The following UNKL variants were observed in gnomAD, a reference collection of about 807,000 sequenced individuals.
The protein encoded by UNKL is unk like zinc finger.
UNKL carries 60 observed loss-of-function variants against 78.0 expected under a neutral mutation model. The ratio of observed to expected loss-of-function variants is 0.77; its 90% CI spans 0.63 to 0.95. The LOEUF (loss-of-function observed/expected upper bound fraction) is 0.95, where lower values mean the gene tolerates loss of function less well. Ranked by LOEUF, UNKL falls within the 40% of genes least tolerant of loss-of-function variation. The pLI is 0.00. For missense variants in UNKL, 1,159 were observed against 1,045.7 expected (o/e 1.11, Z -1.49); for synonymous variants, 608 against 474.8 (o/e 1.28, Z -3.65).
At chr16:1,379,424 G>A in intron 10 of UNKL, 1 of 956,482 alleles carries the variant, frequency 1.0e-6, no homozygotes, top group South Asian at 4.8e-5. Context: ...CGAGCGCCCG[G>A]CAGAGGCAGG....
intron 2 of UNKL, chr16:1,408,435 T>C (rs890458579): frequency 1.3e-5 from 2 of 153,216 alleles, no homozygotes; most frequent in African/African-American, 4.9e-5. Flanking sequence ...CGGCACGGCG[T>C]GGGGTGCAAC....
At chr16:1,398,113 G>C (rs1490541576) in intron 5 of UNKL, among the ~76,000 whole-genome samples, 1 of 152,224 alleles carries the variant, frequency 6.6e-6, no homozygotes, top group African/African-American at 2.4e-5. Context: ...CGCCCAGACA[G>C]CACGGGGCTG....
At chr16:1,370,461 G>T in intron 11 of UNKL, 104 bp from the exon 12 acceptor site, 11 of 1,475,624 alleles carry the variant, frequency 7.5e-6, no homozygotes, top group East Asian at 2.6e-5. Flanking sequence ...GGTGGTGGTG[G>T]TGGGGATATG....
At chr16:1,367,040 C>T in intron 14 of UNKL, 52 bp downstream of exon 14, 1 of 1,470,982 alleles carries the variant, frequency 6.8e-7, no homozygotes, top group Non-Finnish European at 9.0e-7. Context: ...CAGACAGGGA[C>T]AGCAGCCCTG....
intron 5 of UNKL, chr16:1,398,679 G>GCCGGCCC: frequency 2.2e-6 from 3 of 1,356,266 alleles, no homozygotes; most frequent in Non-Finnish European, 2.9e-6. Context: ...TGTGGGGTCT[G>GCCGGCCC]CACCCCCCCA....
chr16:1,410,019 A>T (rs928568149), intron 2 of UNKL, among the ~76,000 whole-genome samples: 13 of 152,078 alleles, frequency 8.5e-5, no homozygotes, highest in African/African-American at 3.1e-4. Flanking sequence ...GGCAGAGGAT[A>T]CAGGAGCCCA....
intron 3 of UNKL, among the ~76,000 whole-genome samples, chr16:1,402,758 G>A (rs1216647036): frequency 2.0e-5 from 3 of 151,950 alleles, no homozygotes; most frequent in African/African-American, 7.3e-5. Context: ...GCCAACGTGG[G>A]TGGATCACAA....
intron 14 of UNKL, 83 bp downstream of exon 14, chr16:1,367,009 C>A (rs778280703): frequency 1.2e-5 from 18 of 1,442,852 alleles, no homozygotes; most frequent in Non-Finnish European, 1.6e-5. Context: ...AAGGGGACAC[C>A]GCACCAGCCA....
chr16:1,398,681 A>AGCCCCCCCCCCC, intron 5 of UNKL: 2 of 694,352 alleles, frequency 2.9e-6, no homozygotes, highest in Non-Finnish European at 1.9e-6. Flanking sequence ...TGGGGTCTGC[A>AGCCCCCCCCCCC]CCCCCCCACC....
chr16:1,403,019 C>T lies in UNKL; in HGVS notation c.464+149G>A. On this transcript the variant is annotated intron_variant, in intron 3 of 14. Coordinates refer to ENST00000389221, the MANE Select transcript of UNKL (RefSeq NM_001372107.1). The surrounding 1 kb of genome is among the most constrained non-coding windows in gnomAD (Gnocchi z 4.8). ...AAAAAGCAAAAAAAGGACTAACATC[C>T]AGACTCAGAAAGAAATTCTGGAGGA... The T allele has an allele frequency of 9.3e-7, 1 of 1,072,092 alleles. No individual in the cohort carries two copies. The highest frequency in any genetic ancestry group is 1.3e-6 in the Non-Finnish European group (1 of 770,330). The allele number at this position is 1,072,092 out of a possible 1,614,324, so 66.4% of individuals were successfully genotyped here. A position where few individuals can be genotyped will look rare whatever the true frequency, so the allele number is the denominator to read the frequency against.
intron 5 of UNKL, chr16:1,398,679 G>GCGGCCCCCCCCCCC: frequency 3.7e-6 from 5 of 1,356,094 alleles, no homozygotes; most frequent in Non-Finnish European, 4.8e-6. Context: ...TGTGGGGTCT[G>GCGGCCCCCCCCCCC]CACCCCCCCA....
chr16:1,378,113 C>T (rs1398843484), intron 10 of UNKL, among the ~76,000 whole-genome samples: 1 of 152,186 alleles, frequency 6.6e-6, no homozygotes, highest in African/African-American at 2.4e-5. Flanking sequence ...CCACACCAGT[C>T]CCCAGAAAGC....
intron 11 of UNKL, among the ~76,000 whole-genome samples, chr16:1,370,748 C>G (rs1278384606): frequency 6.6e-6 from 1 of 152,226 alleles, no homozygotes; most frequent in African/African-American, 2.4e-5. Flanking sequence ...AAAAGATACA[C>G]TTTTAGGCTG....
At chr16:1,396,812 T>C (rs4017785) in intron 6 of UNKL, among the ~76,000 whole-genome samples, 143,282 of 152,114 alleles carry the variant, frequency 0.94, 67,542 homozygotes, top group East Asian at 1. Context: ...TCTTGATCTC[T>C]TGATCTCGTT....
Position 1,403,582 on chromosome 16 carries a change from AAC to A in UNKL, c.288-240_288-239del, listed in dbSNP as rs1380872193. ...AGTCAACCAGTCAAACACAGTAAGA[AAC>A]ACAGACCATCGCAAACCCCCAGTCA... On this transcript the variant is annotated intron_variant, in intron 2 of 14. Coordinates refer to ENST00000389221, the MANE Select transcript of UNKL (RefSeq NM_001372107.1). This position sits in a 1 kb window ranked among gnomAD's most constrained non-coding sequence, Gnocchi z 4.8. Among the ~76,000 whole-genome samples the A allele has an allele frequency of 6.6e-6, 1 of 152,106 alleles. No individual in the cohort carries two copies. The highest frequency in any genetic ancestry group is 2.4e-5 in the African/African-American group (1 of 41,400).
chr16:1,369,665 G>T (rs919024119), intron 12 of UNKL, among the ~76,000 whole-genome samples: 1 of 152,182 alleles, frequency 6.6e-6, no homozygotes, highest in Non-Finnish European at 1.5e-5. Context: ...CACTGCACCC[G>T]ACCAAGTGTT....
chr16:1,380,035 GCAGGACCCTC>G (rs1166430988), intron 10 of UNKL, among the ~76,000 whole-genome samples: 2 of 152,252 alleles, frequency 1.3e-5, no homozygotes, highest in Non-Finnish European at 2.9e-5. Flanking sequence ...TGCCTGCCCT[GCAGGACCCTC>G]CTCCCTCCCA....
intron 2 of UNKL, among the ~76,000 whole-genome samples, chr16:1,405,313 C>G (rs1226318053): frequency 6.6e-6 from 1 of 151,330 alleles, no homozygotes; most frequent in Non-Finnish European, 1.5e-5. Flanking sequence ...GCCAGCCAGG[C>G]AGCTGGGTAC....
At chr16:1,412,081 C>G (rs1269894391) in intron 2 of UNKL, 1 of 152,158 alleles carries the variant, frequency 6.6e-6, no homozygotes, top group African/African-American at 2.4e-5. Context: ...TGTCTCACCC[C>G]TAGGCAGGAA....
Sources: gnomAD v4.1 joint callset for allele counts (sites outside exome capture counted in the v4.1 genomes callset) on GRCh38, gnomAD v4.1.1 for gene constraint, Gnocchi (gnomAD v3.1) non-coding constraint, MANE v1.5 for transcripts, NCBI Gene and HGNC (gene_info 2026-07-23, HGNC 2026-07-21) for gene names.